PDE4D: variants seen among roughly 807,000 people sequenced by gnomAD.
PDE4D encodes the protein 3',5'-cyclic-AMP phosphodiesterase 4D.
PDE4D carries 24 observed loss-of-function variants against 87.4 expected under a neutral mutation model. That is an observed-to-expected ratio of 0.27 (90% CI 0.20 to 0.39). The LOEUF is 0.39. Among genes scored for constraint, PDE4D ranks in the 10% least tolerant of loss-of-function variants. The probability of loss-of-function intolerance (pLI) is 1.00; values close to 1 mark genes in which losing one functional copy is unlikely to be tolerated. For missense variants in PDE4D, 714 were observed against 1,041.0 expected, an observed-to-expected ratio of 0.69 and a Z score of 4.32; for synonymous variants, 384 against 383.2, an observed-to-expected ratio of 1.00 and a Z score of -0.02.
intron 2 of PDE4D, among the ~76,000 whole-genome samples, chr5:60,026,811 A>G (rs1481450127): frequency 1.3e-5 from 2 of 152,104 alleles, no homozygotes; most frequent in Non-Finnish European, 2.9e-5. Flanking sequence ...AATAAAATCT[A>G]CTTCTCAGCA....
Position 59,485,013 on chromosome 5 carries a change from A to T in PDE4D, c.456-269045T>A, listed in dbSNP as rs1020084644. On this transcript the variant is annotated intron_variant, in intron 1 of 14. Transcript: ENST00000340635. ...AGATCCAGTTTTGGATCACTTTTTT[A>T]AAATAATTCCAAGAAACCCCAGTCT... Among the ~76,000 whole-genome samples the T allele has an allele frequency of 8.5e-5, 13 of 152,320 alleles. No individual in the cohort carries two copies. In the South Asian group the frequency reaches 1.7e-3, roughly 19 times the overall value.
At chr5:60,022,425 T>G (rs943805173) in intron 2 of PDE4D, 14 of 152,156 alleles carry the variant, frequency 9.2e-5, no homozygotes, top group Non-Finnish European at 1.8e-4. Flanking sequence ...CTCAAGAATT[T>G]TATATTCCTT....
intron 3 of PDE4D, among the ~76,000 whole-genome samples, chr5:59,899,577 A>G (rs1752017109): frequency 6.6e-6 from 1 of 152,096 alleles, no homozygotes; most frequent in Non-Finnish European, 1.5e-5. Context: ...AAATAATAAT[A>G]TCAGATACAG....
At chr5:59,029,497 T>C (rs1188280990) in intron 6 of PDE4D, among the ~76,000 whole-genome samples, 2 of 150,904 alleles carry the variant, frequency 1.3e-5, no homozygotes, top group Non-Finnish European at 2.9e-5. Context: ...TACAAGACAT[T>C]GATTTAAACA....
intron 1 of PDE4D, among the ~76,000 whole-genome samples, chr5:60,191,300 C>T (rs1443208374): frequency 6.6e-6 from 1 of 152,066 alleles, no homozygotes; most frequent in African/African-American, 2.4e-5. Flanking sequence ...CCCAAAATCT[C>T]GTCTTGAATT....
In PDE4D at chr5:59,624,795, T is replaced by C. The variant is rs190365142; in HGVS notation, c.455+268373A>G. Among the ~76,000 whole-genome samples the C allele has an allele frequency of 4.6e-5, 7 of 152,350 alleles. No individual in the cohort carries two copies. In the East Asian group the frequency reaches 1.3e-3, roughly 29 times the overall value. ...GTATGATTTCTGCCTCTATCAATTCTGATTGCTATAATTGAGTTCCTAAAA... is the reference window on the plus strand; with the variant it reads ...GTATGATTTCTGCCTCTATCAATTCCGATTGCTATAATTGAGTTCCTAAAA... On this transcript the variant is annotated intron_variant, in intron 1 of 14. Transcript: ENST00000340635.
intron 1 of PDE4D, among the ~76,000 whole-genome samples, chr5:60,323,767 C>G (rs75242193): frequency 0.033 from 5,042 of 151,772 alleles, 126 homozygotes; most frequent in Middle Eastern, 0.082. Flanking sequence ...CCCTCCACCC[C>G]CCACCCGCAG....
intron 1 of PDE4D, among the ~76,000 whole-genome samples, chr5:59,232,111 C>T (rs1581509211): frequency 1.3e-5 from 2 of 152,124 alleles, no homozygotes; most frequent in South Asian, 4.2e-4. Context: ...AGTACCAGAT[C>T]GAAATAGGCT....
chr5:60,322,394 ACACACACACACACACAC>A (rs1562323030), intron 1 of PDE4D, among the ~76,000 whole-genome samples: 2 of 151,164 alleles, frequency 1.3e-5, no homozygotes, highest in African/African-American at 2.4e-5. Flanking sequence ...ACACACACAC[ACACACACACACACACAC>A]ACACAAAACC....
At chr5:60,060,183 CTA>C (rs1253039224) in intron 2 of PDE4D, among the ~76,000 whole-genome samples, 1 of 151,998 alleles carries the variant, frequency 6.6e-6, no homozygotes, top group African/African-American at 2.4e-5. Flanking sequence ...CTCTCTTGCT[CTA>C]TGTTTCTCCA....
At chr5:59,056,339 G>T (rs1277524467) in intron 5 of PDE4D, among the ~76,000 whole-genome samples, 1 of 152,154 alleles carries the variant, frequency 6.6e-6, no homozygotes, top group Non-Finnish European at 1.5e-5. Flanking sequence ...TGGAGCAAAG[G>T]ACGAAAGAAG....
At chr5:59,082,985 T>C (rs1298857204) in intron 5 of PDE4D, among the ~76,000 whole-genome samples, 1 of 152,168 alleles carries the variant, frequency 6.6e-6, no homozygotes, top group Non-Finnish European at 1.5e-5. Flanking sequence ...GTTTTCTGTA[T>C]AGGATTCCCG....
intron 1 of PDE4D, among the ~76,000 whole-genome samples, chr5:59,856,575 C>T (rs1745474186): frequency 6.6e-6 from 1 of 152,212 alleles, no homozygotes; most frequent in African/African-American, 2.4e-5. Flanking sequence ...ACTCTATTAC[C>T]GACACGGCAT....
chr5:60,250,755 A>G (rs950296657), intron 1 of PDE4D, among the ~76,000 whole-genome samples: 2 of 151,986 alleles, frequency 1.3e-5, no homozygotes, highest in Non-Finnish European at 2.9e-5. Context: ...TGTGTTTACT[A>G]TACTTTTTAT....
intron 1 of PDE4D, among the ~76,000 whole-genome samples, chr5:59,646,130 A>G (rs1742394790): frequency 6.6e-6 from 1 of 152,206 alleles, no homozygotes; most frequent in Admixed American, 6.5e-5. Flanking sequence ...TTAATTTTAT[A>G]ATCTGGTGTG....
At chr5:59,014,098 A>C (rs1280008902) in intron 6 of PDE4D, among the ~76,000 whole-genome samples, 1 of 151,708 alleles carries the variant, frequency 6.6e-6, no homozygotes, top group East Asian at 1.9e-4. Flanking sequence ...ATTCAACAGG[A>C]CTTCATGCTA....
intron 1 of PDE4D, among the ~76,000 whole-genome samples, chr5:60,208,828 T>C (rs2149566335): frequency 6.6e-6 from 1 of 152,198 alleles, no homozygotes; most frequent in East Asian, 1.9e-4. Flanking sequence ...ATCCTAGACC[T>C]GACGGGACAC....
intron 5 of PDE4D, among the ~76,000 whole-genome samples, chr5:59,150,180 T>A (rs1779278288): frequency 6.6e-6 from 1 of 152,042 alleles, no homozygotes; most frequent in African/African-American, 2.4e-5. Context: ...GGATGGTTTT[T>A]CTGGGTGGAA....
chr5:59,359,889 G>A (rs1781936228), intron 1 of PDE4D, among the ~76,000 whole-genome samples: 1 of 152,144 alleles, frequency 6.6e-6, no homozygotes, highest in Non-Finnish European at 1.5e-5. Context: ...GGGAAAACCA[G>A]ATTCGGAAAT....
Sources: gnomAD v4.1 joint callset for allele counts (sites outside exome capture counted in the v4.1 genomes callset) on GRCh38, gnomAD v4.1.1 for gene constraint, MANE v1.5 for transcripts, NCBI Gene and HGNC (gene_info 2026-07-23, HGNC 2026-07-21) for gene names.